FBXL7: variants seen among roughly 807,000 people sequenced by gnomAD.
The protein encoded by FBXL7 is F-box and leucine rich repeat protein 7.
Under a neutral mutation model 38.3 loss-of-function variants are expected in FBXL7, and 12 were observed. The ratio of observed to expected loss-of-function variants is 0.31; its 90% confidence interval spans 0.20 to 0.51. The LOEUF is 0.51. Ranked by LOEUF, FBXL7 falls within the 20% of genes least tolerant of loss-of-function variation. The probability of loss-of-function intolerance (pLI) is 0.98; values close to 1 mark genes in which losing one functional copy is unlikely to be tolerated. For missense variants in FBXL7, 567 were observed against 676.4 expected (o/e 0.84, Z 1.79); for synonymous variants, 297 against 300.9 (o/e 0.99, Z 0.13).
chr5:15,639,129 C>G (rs1436003168), intron 2 of FBXL7, among the ~76,000 whole-genome samples: 1 of 152,186 alleles, frequency 6.6e-6, no homozygotes, highest in African/African-American at 2.4e-5. Flanking sequence ...TTGTTCATCT[C>G]TGGCACAGTG....
chr5:15,752,794 C>T (rs893868748), intron 2 of FBXL7, among the ~76,000 whole-genome samples: 1 of 152,168 alleles, frequency 6.6e-6, no homozygotes, highest in Non-Finnish European at 1.5e-5. Context: ...TTCCTCAAGG[C>T]TTCTTTTACA....
intron 2 of FBXL7, among the ~76,000 whole-genome samples, chr5:15,803,245 T>C (rs897546495): frequency 6.6e-6 from 1 of 152,286 alleles, no homozygotes; most frequent in East Asian, 1.9e-4. Context: ...ATAATACTTA[T>C]CTATGGAACA....
chr5:15,861,858 A>G (rs1739489273), intron 2 of FBXL7, among the ~76,000 whole-genome samples: 1 of 152,140 alleles, frequency 6.6e-6, no homozygotes, highest in East Asian at 1.9e-4. Flanking sequence ...TTCCAACTCC[A>G]TTTGTCTAAG....
intron 1 of FBXL7, chr5:15,607,463 A>G (rs1740065134): frequency 6.6e-6 from 1 of 152,194 alleles, no homozygotes; most frequent in South Asian, 2.1e-4. Context: ...TGCTTGTGTC[A>G]TAATATTAAT....
intron 2 of FBXL7, among the ~76,000 whole-genome samples, chr5:15,755,138 T>C (rs1736260924): frequency 6.6e-6 from 1 of 152,222 alleles, no homozygotes; most frequent in South Asian, 2.1e-4. Context: ...ATTTGTATAC[T>C]AGACCATTGC....
intron 2 of FBXL7, among the ~76,000 whole-genome samples, chr5:15,716,344 G>A (rs1028789378): frequency 6.6e-5 from 10 of 152,180 alleles, no homozygotes; most frequent in East Asian, 1.9e-4. Context: ...TATCTGACCC[G>A]TAACATTTGT....
chr5:15,665,765 G>A (rs976634871), intron 2 of FBXL7, among the ~76,000 whole-genome samples: 4 of 152,116 alleles, frequency 2.6e-5, no homozygotes, highest in Admixed American at 2.0e-4. Context: ...AGATCATAAT[G>A]TATTTGCGCT....
chr5:15,863,861 A>T (rs559954466), intron 2 of FBXL7, among the ~76,000 whole-genome samples: 1 of 152,214 alleles, frequency 6.6e-6, no homozygotes, highest in African/African-American at 2.4e-5. Context: ...TTCCACCATG[A>T]GTGGAAGCAG....
Position 15,501,517 on chromosome 5 carries a change from A to T in FBXL7, c.37+804A>T, listed in dbSNP as rs1193448159. The stretch of plus-strand genomic sequence containing the variant: ...CAAAGGCATTTTTCTGCAGTTCAAA[A>T]GTTAAGAAGGTTTGTGTCTAGTGGT... On this transcript the variant is annotated intron_variant, in intron 1 of 3. Transcript: ENST00000504595. The T allele has an allele frequency of 1.3e-5, 13 of 985,388 alleles. No homozygotes were observed. The East Asian group carries it at 1.5e-3, about 112-fold the overall frequency. The allele number at this position is 985,388 out of a possible 1,614,324, so 61.0% of individuals were successfully genotyped here.
chr5:15,528,931 T>C (rs1343932151), intron 1 of FBXL7, among the ~76,000 whole-genome samples: 5 of 152,194 alleles, frequency 3.3e-5, no homozygotes, highest in Non-Finnish European at 7.3e-5. Context: ...ATTTTTCTGT[T>C]ATAAGAACAT....
intron 2 of FBXL7, among the ~76,000 whole-genome samples, chr5:15,821,847 C>T (rs974021912): frequency 2.7e-4 from 41 of 152,154 alleles, no homozygotes; most frequent in African/African-American, 9.4e-4. Context: ...CTCCAAGGTC[C>T]TCATTTCCCC....
intron 2 of FBXL7, among the ~76,000 whole-genome samples, chr5:15,773,273 T>G (rs1736777088): frequency 6.6e-6 from 1 of 152,198 alleles, no homozygotes; most frequent in South Asian, 2.1e-4. Context: ...GTTTTTTAAG[T>G]TAATTTACTT....
intron 1 of FBXL7, among the ~76,000 whole-genome samples, chr5:15,532,076 A>T (rs1204691059): frequency 1.3e-5 from 2 of 152,242 alleles, no homozygotes; most frequent in African/African-American, 4.8e-5. Flanking sequence ...TGCTTGGTAC[A>T]CATTGTGAGT....
intron 2 of FBXL7, among the ~76,000 whole-genome samples, chr5:15,742,655 T>G (rs1735922377): frequency 6.6e-6 from 1 of 152,228 alleles, no homozygotes; most frequent in Non-Finnish European, 1.5e-5. Flanking sequence ...ATTTGAGAGT[T>G]GGCTTTCCTA....
At chr5:15,881,641 C>T (rs868506559) in intron 2 of FBXL7, among the ~76,000 whole-genome samples, 1 of 152,122 alleles carries the variant, frequency 6.6e-6, no homozygotes, top group South Asian at 2.1e-4. Flanking sequence ...TACATTCCCA[C>T]CAATAGTATG....
At chr5:15,761,253 C>G (rs976827036) in intron 2 of FBXL7, among the ~76,000 whole-genome samples, 13 of 152,050 alleles carry the variant, frequency 8.5e-5, no homozygotes, top group African/African-American at 2.9e-4. Context: ...AGGTAATTTC[C>G]TTTTTCCTCT....
chr5:15,830,297 C>T (rs1249963665), intron 2 of FBXL7, among the ~76,000 whole-genome samples: 1 of 151,874 alleles, frequency 6.6e-6, no homozygotes, highest in African/African-American at 2.4e-5. Flanking sequence ...CAGCCTGGCC[C>T]ACATGGTAAA....
intron 2 of FBXL7, among the ~76,000 whole-genome samples, chr5:15,846,845 A>G (rs1579514895): frequency 1.3e-5 from 2 of 152,342 alleles, no homozygotes; most frequent in African/African-American, 4.8e-5. Context: ...AATGAAAGCA[A>G]ATGATGTAAA....
intron 2 of FBXL7, among the ~76,000 whole-genome samples, chr5:15,927,104 A>G (rs1016740819): frequency 6.6e-6 from 1 of 152,054 alleles, no homozygotes; most frequent in South Asian, 2.1e-4. Flanking sequence ...TTGTCAAACT[A>G]TGACCTGATG....
Sources: allele counts gnomAD v4.1 joint callset (sites outside exome capture counted in the v4.1 genomes callset), GRCh38; gene constraint gnomAD v4.1.1; transcripts MANE v1.5; gene names NCBI Gene and HGNC (gene_info 2026-07-23, HGNC 2026-07-21).